The following PATJ variants were observed in gnomAD, a reference collection of about 807,000 sequenced individuals.
PATJ encodes PATJ crumbs cell polarity complex component.
A neutral mutation model predicts 224.9 loss-of-function variants in PATJ; 190 were observed. That is an observed-to-expected ratio of 0.84 (90% CI 0.75 to 0.95). The LOEUF is 0.95. Ranked by LOEUF, PATJ falls within the 40% of genes least tolerant of loss-of-function variation. The probability of loss-of-function intolerance (pLI) is 0.00; values close to 1 mark genes in which losing one functional copy is unlikely to be tolerated. For missense variants in PATJ, 2,121 were observed against 2,270.3 expected, an observed-to-expected ratio of 0.93 and a Z score of 1.34; for synonymous variants, 769 against 820.3, an observed-to-expected ratio of 0.94 and a Z score of 1.07.
At chr1:61,762,773 C>A in intron 1 of PATJ, 85 bp from the exon 2 acceptor site, 1 of 593,844 alleles carries the variant, frequency 1.7e-6, no homozygotes, top group Non-Finnish European at 2.9e-6. Flanking sequence ...AAAGAATGTT[C>A]TTGAGGTTTT....
intron 27 of PATJ, among the ~76,000 whole-genome samples, chr1:61,987,336 G>C (rs2149529514): frequency 6.6e-6 from 1 of 152,182 alleles, no homozygotes; most frequent in Middle Eastern, 3.4e-3. Flanking sequence ...GTGTCTGTCA[G>C]TTGTAGAGTT....
chr1:62,019,896 C>T (rs990636094), intron 29 of PATJ, among the ~76,000 whole-genome samples: 4 of 152,090 alleles, frequency 2.6e-5, no homozygotes, highest in African/African-American at 7.2e-5. Flanking sequence ...GGGCCAGGCG[C>T]GGTGGCTTGC....
chr1:62,009,427 T>C (rs1644974971), intron 28 of PATJ, among the ~76,000 whole-genome samples: 1 of 152,228 alleles, frequency 6.6e-6, no homozygotes, highest in African/African-American at 2.4e-5. Flanking sequence ...AATTTTAAAA[T>C]AATTTATTTC....
chr1:62,048,336 A>C (rs2148570807), intron 30 of PATJ, among the ~76,000 whole-genome samples: 1 of 152,256 alleles, frequency 6.6e-6, no homozygotes, highest in South Asian at 2.1e-4. Context: ...ACTTGAGGTC[A>C]GGAATTTGAA....
chr1:61,924,875 A>T (rs1335084494), intron 26 of PATJ, among the ~76,000 whole-genome samples: 1 of 152,222 alleles, frequency 6.6e-6, no homozygotes, highest in Non-Finnish European at 1.5e-5. Flanking sequence ...TACGTTAAAG[A>T]GCTGTTCTTT....
At chr1:61,766,731 T>C (rs188096653) in intron 4 of PATJ, among the ~76,000 whole-genome samples, 279 of 152,268 alleles carry the variant, frequency 1.8e-3, no homozygotes, top group Non-Finnish European at 2.8e-3. Context: ...ATTTATTTTT[T>C]GAGATAAGGT....
At chr1:61,887,763 G>A (rs956932979) in intron 22 of PATJ, among the ~76,000 whole-genome samples, 1 of 152,172 alleles carries the variant, frequency 6.6e-6, no homozygotes, top group African/African-American at 2.4e-5. Flanking sequence ...ACATTTGAAG[G>A]AAAACCCAGA....
chr1:61,856,003 C>A (rs1295622410), intron 17 of PATJ, 27 bp from the exon 18 acceptor site: 1 of 1,560,266 alleles, frequency 6.4e-7, no homozygotes, highest in African/African-American at 1.4e-5. Context: ...TGCATGGACT[C>A]ATCCTTCTTC....
rs1416409640 is a variant in PATJ, at chr1:61,967,805, C to T, written c.3671-22363C>T. Among the ~76,000 whole-genome samples the T allele has an allele frequency of 2.6e-5, 4 of 152,158 alleles. No homozygotes were observed. The East Asian group carries it at 7.7e-4, about 29-fold the overall frequency. The stretch of plus-strand genomic sequence containing the variant: ...ATTTCCTCCTCTGCTGTTGCTTTTG[C>T]CTTTCTGTTTTGCTTGCTTTTTATC... On this transcript the variant is annotated intron_variant, in intron 27 of 43. Transcript: ENST00000642238.
At chr1:62,100,846 A>G (rs988926933) in intron 33 of PATJ, among the ~76,000 whole-genome samples, 1 of 152,196 alleles carries the variant, frequency 6.6e-6, no homozygotes, top group Non-Finnish European at 1.5e-5. Context: ...ACAGACATTC[A>G]TGATGCTGTG....
At chr1:61,765,502 G>A (rs1646224329) in intron 3 of PATJ, among the ~76,000 whole-genome samples, 1 of 151,824 alleles carries the variant, frequency 6.6e-6, no homozygotes, top group African/African-American at 2.4e-5. Context: ...TCTTGCCTCA[G>A]CCTCCCAAGT....
chr1:61,916,621 A>G (rs1036182966), intron 26 of PATJ, among the ~76,000 whole-genome samples: 1 of 152,182 alleles, frequency 6.6e-6, no homozygotes, highest in Non-Finnish European at 1.5e-5. Flanking sequence ...CTGTCATGTA[A>G]CTGTCTGATG....
At chr1:61,990,018 T>G in intron 27 of PATJ, 150 bp from the exon 28 acceptor site, 1 of 620,502 alleles carries the variant, frequency 1.6e-6, no homozygotes, top group South Asian at 2.2e-5. Flanking sequence ...ACTGCAGCAC[T>G]CCAGTCTGCG....
At chr1:62,125,264 CA>C (rs1284483252) in intron 39 of PATJ, among the ~76,000 whole-genome samples, 22 of 64,192 alleles carry the variant, frequency 3.4e-4, no homozygotes, top group Admixed American at 2.1e-3. Flanking sequence ...CAAAAAAAAA[CA>C]AAAAAAAAAC....
Position 62,038,722 on chromosome 1 carries a change from G to C in PATJ, c.4032+673G>C, listed in dbSNP as rs529136881. Reference sequence around the variant, plus strand: ...TCATACTTTTTTCTTTGTTTCTACAGTAAACATAAATAGCTATATATAGTG... The same window carrying C: ...TCATACTTTTTTCTTTGTTTCTACACTAAACATAAATAGCTATATATAGTG... On this transcript the variant is annotated intron_variant, in intron 30 of 43. Coordinates refer to ENST00000642238, the MANE Select transcript of PATJ (RefSeq NM_001350145.3). The C allele has an allele frequency of 6.7e-5, 22 of 328,074 alleles. No individual in the cohort carries two copies. In the South Asian group the frequency reaches 8.0e-4, roughly 12 times the overall value. 20.3% of individuals were successfully genotyped at this position (328,074 alleles called of 1,614,324 possible). A position where few individuals can be genotyped will look rare whatever the true frequency, so the allele number is the denominator to read the frequency against.
chr1:62,069,690 C>T (rs1460055364), intron 31 of PATJ, among the ~76,000 whole-genome samples: 1 of 152,158 alleles, frequency 6.6e-6, no homozygotes, highest in Non-Finnish European at 1.5e-5. Flanking sequence ...CACACCTTCA[C>T]GCATCTACCA....
chr1:61,998,290 G>T (rs1645539026), intron 28 of PATJ, among the ~76,000 whole-genome samples: 1 of 151,406 alleles, frequency 6.6e-6, no homozygotes, highest in Non-Finnish European at 1.5e-5. Context: ...CACCATGTTG[G>T]CCAGGCTGGT....
intron 13 of PATJ, among the ~76,000 whole-genome samples, chr1:61,807,426 C>T (rs1653819528): frequency 6.6e-6 from 1 of 152,198 alleles, no homozygotes; most frequent in African/African-American, 2.4e-5. Flanking sequence ...ATCCACCCTG[C>T]TTGGCCTCCC....
At chr1:61,984,256 G>A (rs1221389470) in intron 27 of PATJ, among the ~76,000 whole-genome samples, 1 of 151,174 alleles carries the variant, frequency 6.6e-6, no homozygotes, top group Non-Finnish European at 1.5e-5. Context: ...CCCCTCCTGG[G>A]TTCAAGTGAT....
Sources: allele counts gnomAD v4.1 joint callset (sites outside exome capture counted in the v4.1 genomes callset), GRCh38; gene constraint gnomAD v4.1.1; transcripts MANE v1.5; gene names NCBI Gene and HGNC (gene_info 2026-07-23, HGNC 2026-07-21).